SLC35F3: variants seen among roughly 807,000 people sequenced by gnomAD.
SLC35F3 encodes solute carrier family 35 member F3.
Under a neutral mutation model 49.9 loss-of-function variants are expected in SLC35F3, and 25 were observed. The ratio of observed to expected loss-of-function variants is 0.50; its 90% CI spans 0.37 to 0.70. The LOEUF is 0.70. SLC35F3 is among the 30% of genes least tolerant of loss of function. The pLI, the probability that SLC35F3 is intolerant of heterozygous loss-of-function variation, is 0.00. For missense variants in SLC35F3, 525 were observed against 639.8 expected (o/e 0.82, Z 1.94); for synonymous variants, 275 against 265.4 (o/e 1.04, Z -0.35).
At chr1:234,246,213 G>A (rs1667628637) in intron 3 of SLC35F3, among the ~76,000 whole-genome samples, 1 of 152,296 alleles carries the variant, frequency 6.6e-6, no homozygotes, top group African/African-American at 2.4e-5. Flanking sequence ...CAGGAGGAGT[G>A]GCTCAGATGG....
intron 3 of SLC35F3, among the ~76,000 whole-genome samples, chr1:234,233,786 G>A (rs1458056315): frequency 6.6e-6 from 1 of 152,188 alleles, no homozygotes; most frequent in Non-Finnish European, 1.5e-5. Context: ...TTGGTAAACT[G>A]GTTAAAAGCT....
chr1:234,200,080 T>G (rs188752955), intron 2 of SLC35F3, among the ~76,000 whole-genome samples: 42 of 152,340 alleles, frequency 2.8e-4, no homozygotes, highest in African/African-American at 9.6e-4. Context: ...GTATGGAGGT[T>G]CCTTCAAATC....
At chr1:233,945,867 C>T (rs1480069601) in intron 2 of SLC35F3, among the ~76,000 whole-genome samples, 4 of 152,208 alleles carry the variant, frequency 2.6e-5, no homozygotes, top group African/African-American at 9.7e-5. Context: ...GTCAATTAAA[C>T]CTCAGCAATC....
chr1:234,048,595 G>C (rs959811654), intron 2 of SLC35F3, among the ~76,000 whole-genome samples: 26 of 139,652 alleles, frequency 1.9e-4, no homozygotes, highest in Non-Finnish European at 4.7e-5. Flanking sequence ...ATTTTCAAAG[G>C]CTAGGGCCAC....
At position 234,027,185 on chromosome 1, in the gene SLC35F3, C is replaced by A; in HGVS notation, c.283+121427C>A. ...TAACCAGTCAATAGGCAAGTTTTAC[C>A]TGCAGCTCTGTCTCCCACCACCACA... On this transcript the variant is annotated intron_variant, in intron 2 of 7. Coordinates refer to ENST00000366618, the MANE Select transcript of SLC35F3 (RefSeq NM_173508.4). This position sits in a 1 kb window ranked among gnomAD's most constrained non-coding sequence, Gnocchi z 4.1. The A allele has an allele frequency of 6.4e-6, 1 of 156,410 alleles. No homozygotes were observed. The highest frequency in any genetic ancestry group is 1.8e-4 in the South Asian group (1 of 5,620). The allele number at this position is 156,410 out of a possible 1,614,324, so 9.7% of individuals were successfully genotyped here. A position where few individuals can be genotyped will look rare whatever the true frequency, so the allele number is the denominator to read the frequency against.
At chr1:233,991,586 C>T (rs577532006) in intron 2 of SLC35F3, among the ~76,000 whole-genome samples, 1 of 152,228 alleles carries the variant, frequency 6.6e-6, no homozygotes, top group African/African-American at 2.4e-5. Context: ...TGAACTTTGC[C>T]AGCTCATTGG....
chr1:234,166,774 A>G (rs530521619), intron 2 of SLC35F3, among the ~76,000 whole-genome samples: 1 of 152,352 alleles, frequency 6.6e-6, no homozygotes, highest in East Asian at 1.9e-4. Flanking sequence ...GGATGCAGTA[A>G]GGCCCCTTGG....
In SLC35F3 at chr1:234,031,933, G is replaced by C. The variant is rs1342946487; in HGVS notation, c.283+126175G>C. Among the ~76,000 whole-genome samples, 3 of 152,142 alleles carry C rather than the reference G, an allele frequency of 2.0e-5. No individual in the cohort carries two copies. In the East Asian group the frequency reaches 5.8e-4, roughly 29 times the overall value. ...ATTTATGTATTATGGACAAATACAT[G>C]AATCAAATAGTTTTATAAGATGTGT... On this transcript the variant is annotated intron_variant, in intron 2 of 7. Coordinates refer to ENST00000366618, the MANE Select transcript of SLC35F3 (RefSeq NM_173508.4).
At chr1:233,945,814 T>G (rs991868584) in intron 2 of SLC35F3, among the ~76,000 whole-genome samples, 1 of 152,246 alleles carries the variant, frequency 6.6e-6, no homozygotes, top group Admixed American at 6.5e-5. Flanking sequence ...TCATTCACCT[T>G]CGACCATGAT....
intron 2 of SLC35F3, among the ~76,000 whole-genome samples, chr1:234,011,002 C>A (rs976207434): frequency 1.7e-4 from 26 of 152,232 alleles, no homozygotes; most frequent in African/African-American, 5.8e-4. Flanking sequence ...ATAACCAAAT[C>A]CATTTTACCA....
chr1:234,089,527 G>A (rs921234487), intron 2 of SLC35F3, among the ~76,000 whole-genome samples: 4 of 152,204 alleles, frequency 2.6e-5, no homozygotes, highest in African/African-American at 9.7e-5. Flanking sequence ...GTTCAGGCAG[G>A]CAGAGGGCAA....
chr1:234,044,250 C>T (rs1391704785), intron 2 of SLC35F3, among the ~76,000 whole-genome samples: 2 of 152,216 alleles, frequency 1.3e-5, no homozygotes, highest in South Asian at 2.1e-4. Context: ...AAAGTCAGTG[C>T]CATGCCCTTG....
At chr1:234,317,863 C>G (rs565484582) in intron 5 of SLC35F3, among the ~76,000 whole-genome samples, 1 of 152,336 alleles carries the variant, frequency 6.6e-6, no homozygotes, top group African/African-American at 2.4e-5. Context: ...GGGAGAAACA[C>G]AATCCACAAT....
chr1:234,146,873 A>G (rs1477749833), intron 2 of SLC35F3, among the ~76,000 whole-genome samples: 2 of 152,186 alleles, frequency 1.3e-5, no homozygotes, highest in South Asian at 4.2e-4. Flanking sequence ...TTTTTAATGA[A>G]GACTTTTTTC....
chr1:234,020,447 A>G (rs908488034), intron 2 of SLC35F3, among the ~76,000 whole-genome samples: 1 of 152,134 alleles, frequency 6.6e-6, no homozygotes, highest in African/African-American at 2.4e-5. Context: ...TTAAAAATCT[A>G]ATATGCAGGA....
chr1:234,142,521 C>T (rs1398412163), intron 2 of SLC35F3, among the ~76,000 whole-genome samples: 2 of 152,128 alleles, frequency 1.3e-5, no homozygotes, highest in Non-Finnish European at 2.9e-5. Flanking sequence ...TGGAATTAGA[C>T]GTTATGCTTG....
At chr1:234,235,757 T>C (rs773082923) in intron 3 of SLC35F3, among the ~76,000 whole-genome samples, 8 of 152,196 alleles carry the variant, frequency 5.3e-5, no homozygotes, top group Non-Finnish European at 1.2e-4. Flanking sequence ...TGATTCTGCT[T>C]CAGATATTCT....
chr1:234,237,065 C>G (rs1667486610), intron 3 of SLC35F3, among the ~76,000 whole-genome samples: 1 of 150,236 alleles, frequency 6.7e-6, no homozygotes, highest in Non-Finnish European at 1.5e-5. Context: ...CAGCTGAAGG[C>G]CAGATGGGAA....
At chr1:234,309,036 T>A in intron 3 of SLC35F3, 65 bp from the exon 4 acceptor site, 4 of 1,336,796 alleles carry the variant, frequency 3.0e-6, no homozygotes, top group Admixed American at 2.2e-5. Flanking sequence ...AAACTTGCTA[T>A]AGGAAATAAA....
Sources: gnomAD v4.1 joint callset for allele counts (sites outside exome capture counted in the v4.1 genomes callset) on GRCh38, gnomAD v4.1.1 for gene constraint, Gnocchi (gnomAD v3.1) non-coding constraint, MANE v1.5 for transcripts, NCBI Gene and HGNC (gene_info 2026-07-23, HGNC 2026-07-21) for gene names.